The following ADGRV1 variants were observed in gnomAD, a reference collection of about 807,000 sequenced individuals.
The protein encoded by ADGRV1 is adhesion G protein-coupled receptor V1, also known as G-protein coupled receptor 98.
ADGRV1 carries 359 observed loss-of-function variants against 596.2 expected under a neutral mutation model. The observed-to-expected ratio is 0.60, with a 90% confidence interval of 0.55 to 0.66. The LOEUF (loss-of-function observed/expected upper bound fraction) is 0.66. ADGRV1 is among the 30% of genes least tolerant of loss of function. ADGRV1 has a pLI of 0.00. For missense variants in ADGRV1, 7,274 were observed against 7,575.6 expected, an observed-to-expected ratio of 0.96 and a Z score of 1.48; for synonymous variants, 2,681 against 2,679.2, an observed-to-expected ratio of 1.00 and a Z score of -0.02.
At chr5:91,156,345 C>T (rs1018677218) in intron 89 of ADGRV1, among the ~76,000 whole-genome samples, 5 of 152,120 alleles carry the variant, frequency 3.3e-5, no homozygotes, top group African/African-American at 4.8e-5. Flanking sequence ...AAGACAGTCT[C>T]ACCAAGAAAC....
At chr5:90,990,100 G>C (rs1780844729) in intron 85 of ADGRV1, among the ~76,000 whole-genome samples, 1 of 152,184 alleles carries the variant, frequency 6.6e-6, no homozygotes, top group Admixed American at 6.5e-5. Flanking sequence ...TTACAGGCGT[G>C]AGCCACTGCG....
chr5:90,973,284 C>G (rs1411122043), intron 84 of ADGRV1, among the ~76,000 whole-genome samples: 2 of 152,204 alleles, frequency 1.3e-5, no homozygotes, highest in South Asian at 2.1e-4. Flanking sequence ...CAAGGAGGAG[C>G]TGGTACCATT....
chr5:90,798,580 G>A (rs531831853), intron 70 of ADGRV1, among the ~76,000 whole-genome samples: 38 of 152,256 alleles, frequency 2.5e-4, no homozygotes, highest in South Asian at 2.1e-4. Context: ...ATTTCATGAG[G>A]CCAGCATAAT....
chr5:90,811,756 A>G (rs150907423), intron 74 of ADGRV1, among the ~76,000 whole-genome samples: 1 of 151,020 alleles, frequency 6.6e-6, no homozygotes. Flanking sequence ...TACCAAAAAG[A>G]TTTAAACTGT....
intron 86 of ADGRV1, among the ~76,000 whole-genome samples, chr5:91,096,837 C>G (rs1233946194): frequency 6.6e-6 from 1 of 152,102 alleles, no homozygotes; most frequent in Non-Finnish European, 1.5e-5. Flanking sequence ...TTCATCACTC[C>G]AAACAGAAAC....
chr5:90,788,370 AT>A (rs1759708833), intron 68 of ADGRV1, 60 bp downstream of exon 68: 4 of 1,446,664 alleles, frequency 2.8e-6, no homozygotes, highest in Non-Finnish European at 3.8e-6. Context: ...CAGAAAATAC[AT>A]TTACATTTGT....
chr5:91,051,537 ATT>A (rs1192844206), intron 85 of ADGRV1, among the ~76,000 whole-genome samples: 3,432 of 102,114 alleles, frequency 0.034, 48 homozygotes, highest in Admixed American at 0.098. Context: ...TTGACTTAGG[ATT>A]TTTTTTTTTT....
chr5:90,716,482 T>C lies in ADGRV1; in HGVS notation c.9200T>C (p.Leu3067Pro). ...GKNTIALIIV[L>P]ANDDGPGVLS... Reference sequence around the variant, plus strand: ...ATTTTGGCAGCCTTAATTATTGTCCTTGCTAATGATGACGGCCCTGGAGTT... The same window carrying C: ...ATTTTGGCAGCCTTAATTATTGTCCCTGCTAATGATGACGGCCCTGGAGTT... Residue 3067 changes from leucine (L) to proline (P), a missense_variant, in exon 43 of 90, where the codon CTT becomes CCT. Physicochemically the swap from Leu to Pro is moderately conservative, Grantham distance 98 (BLOSUM62 -3). Transcript: ENST00000405460. The C allele has an allele frequency of 1.3e-6, 2 of 1,585,148 alleles. No homozygotes were observed. Among genetic ancestry groups the C allele is most frequent in the Non-Finnish European group, 1.7e-6 (2 of 1,164,180 alleles).
intron 84 of ADGRV1, among the ~76,000 whole-genome samples, chr5:90,971,157 AAG>A (rs1466987029): frequency 2.6e-5 from 4 of 152,210 alleles, no homozygotes; most frequent in Non-Finnish European, 5.9e-5. Context: ...TTTAGAGAAA[AAG>A]AGTAAAAAGA....
chr5:90,687,873 CA>C (rs1745894749), intron 29 of ADGRV1, among the ~76,000 whole-genome samples: 1 of 152,092 alleles, frequency 6.6e-6, no homozygotes, highest in Admixed American at 6.5e-5. Context: ...AGGAGAACTA[CA>C]AACCACTGCT....
intron 78 of ADGRV1, among the ~76,000 whole-genome samples, chr5:90,845,464 A>G (rs1765787871): frequency 6.6e-6 from 1 of 152,100 alleles, no homozygotes; most frequent in South Asian, 2.1e-4. Flanking sequence ...GAATGCCTGG[A>G]TCACAGCCTT....
In ADGRV1 at chr5:90,716,462, G is replaced by A. The variant is rs2149743378; in HGVS notation, c.9185-5G>A. On this transcript the variant is annotated splice_polypyrimidine_tract_variant and splice_region_variant and intron_variant, in intron 42 of 89. Transcript: ENST00000405460. ...TTTGTTGCTTTAATATTTTTATTTT[G>A]GCAGCCTTAATTATTGTCCTTGCTA... 6.6e-7 allele frequency: 1 copy of A among 1,516,802 alleles called. No homozygotes were observed. Among genetic ancestry groups the A allele is most frequent in the East Asian group, 2.3e-5 (1 of 43,680 alleles). The allele number at this position is 1,516,802 out of a possible 1,614,324, so 94.0% of individuals were successfully genotyped here.
intron 21 of ADGRV1, among the ~76,000 whole-genome samples, chr5:90,663,731 T>G (rs1419462102): frequency 1.3e-5 from 2 of 152,112 alleles, no homozygotes; most frequent in Non-Finnish European, 2.9e-5. Context: ...TCTTCAAGGG[T>G]TTTTATGGTT....
chr5:91,149,999 C>CTTTTG, intron 87 of ADGRV1, 31 bp from the exon 88 acceptor site: 3 of 1,388,620 alleles, frequency 2.2e-6, no homozygotes, highest in Non-Finnish European at 2.8e-6. Context: ...TTTTCTTTTT[C>CTTTTG]TTTTCTTTTC....
chr5:90,998,232 C>A (rs146543111), intron 85 of ADGRV1, among the ~76,000 whole-genome samples: 2 of 152,112 alleles, frequency 1.3e-5, no homozygotes, highest in Non-Finnish European at 2.9e-5. Context: ...AGAAAAATGT[C>A]TCTAAAGCTT....
intron 79 of ADGRV1, chr5:90,850,608 A>G (rs180783008): frequency 6.6e-6 from 1 of 152,240 alleles, no homozygotes; most frequent in East Asian, 1.9e-4. Context: ...TATTTTGTTC[A>G]ATGAAATCAA....
chr5:90,799,135 T>G (rs929579842), intron 70 of ADGRV1, among the ~76,000 whole-genome samples: 1 of 152,214 alleles, frequency 6.6e-6, no homozygotes, highest in African/African-American at 2.4e-5. Context: ...GGAAGTCAAA[T>G]TATCTCTGTT....
chr5:90,615,620 A>G (rs1390916965), intron 2 of ADGRV1, among the ~76,000 whole-genome samples: 2 of 151,970 alleles, frequency 1.3e-5, no homozygotes, highest in Non-Finnish European at 2.9e-5. Flanking sequence ...CAAAGTACTT[A>G]TACTTTTTGT....
At chr5:90,843,279 G>T (rs1765590247) in intron 78 of ADGRV1, among the ~76,000 whole-genome samples, 1 of 152,124 alleles carries the variant, frequency 6.6e-6, no homozygotes, top group African/African-American at 2.4e-5. Flanking sequence ...TTGAAATATG[G>T]TGTTACTGTG....
Sources: gnomAD v4.1 joint callset for allele counts (sites outside exome capture counted in the v4.1 genomes callset) on GRCh38, gnomAD v4.1.1 for gene constraint, MANE v1.5 for transcripts, NCBI Gene and HGNC (gene_info 2026-07-23, HGNC 2026-07-21) for gene names.